CDC42BPA: variants seen among roughly 807,000 people sequenced by gnomAD.
The protein encoded by CDC42BPA is CDC42 binding protein kinase alpha, also known as serine/threonine-protein kinase MRCK alpha.
A neutral mutation model predicts 223.5 loss-of-function variants in CDC42BPA; 80 were observed. The observed-to-expected ratio is 0.36, with a 90% CI of 0.30 to 0.43. The LOEUF is 0.43. CDC42BPA is among the 20% of genes least tolerant of loss of function. The pLI, the probability that CDC42BPA is intolerant of heterozygous loss-of-function variation, is 1.00. For synonymous variants in CDC42BPA, 694 were observed against 718.6 expected, an observed-to-expected ratio of 0.97 and a Z score of 0.55; for missense variants, 1,743 against 2,099.9, an observed-to-expected ratio of 0.83 and a Z score of 3.32.
rs377374400 is a variant in CDC42BPA, at chr1:227,015,491, G to C, written c.4857+589C>G. Among the ~76,000 whole-genome samples the C allele has an allele frequency of 2.5e-3, 374 of 152,248 alleles. 5 individuals carry two copies. Among genetic ancestry groups the C allele is most frequent in the African/African-American group, 8.1e-3 (338 of 41,544 alleles). On this transcript the variant is annotated intron_variant, in intron 34 of 36. Coordinates refer to ENST00000366766, the MANE Select transcript of CDC42BPA (RefSeq NM_001394014.1). ...GGCTGGTCTTGAACTCCTGGCCTCA[G>C]CAATCCTCATGCCTTGGCCTCACAA...
At chr1:227,231,216 A>G (rs892569938) in intron 2 of CDC42BPA, among the ~76,000 whole-genome samples, 2 of 132,856 alleles carry the variant, frequency 1.5e-5, no homozygotes, top group Non-Finnish European at 3.1e-5. Context: ...ATTCCCACCT[A>G]TGAGTGAGAA....
At chr1:227,188,062 T>C (rs1234718679) in intron 5 of CDC42BPA, among the ~76,000 whole-genome samples, 1 of 152,036 alleles carries the variant, frequency 6.6e-6, no homozygotes, top group Non-Finnish European at 1.5e-5. Context: ...CAGAACTATG[T>C]AAAGAGAGGA....
intron 21 of CDC42BPA, among the ~76,000 whole-genome samples, chr1:227,057,309 C>A (rs1348144724): frequency 6.6e-6 from 1 of 151,968 alleles, no homozygotes; most frequent in African/African-American, 2.4e-5. Context: ...ATACTAGAAA[C>A]AAGAATGCAA....
At chr1:227,304,316 G>A (rs1692183118) in intron 1 of CDC42BPA, among the ~76,000 whole-genome samples, 1 of 151,698 alleles carries the variant, frequency 6.6e-6, no homozygotes, top group Non-Finnish European at 1.5e-5. Flanking sequence ...TGAGGCAGAA[G>A]AATTGCTTAA....
intron 3 of CDC42BPA, among the ~76,000 whole-genome samples, chr1:227,211,356 G>T (rs951589762): frequency 6.6e-6 from 1 of 151,874 alleles, no homozygotes; most frequent in Admixed American, 6.6e-5. Flanking sequence ...ACAGTACGTC[G>T]ATTTCTCAGA....
At position 227,015,347 on chromosome 1, in the gene CDC42BPA, T is replaced by A. The variant is rs368828169; in HGVS notation, c.4857+733A>T. Among the ~76,000 whole-genome samples, 11 of 151,960 alleles carry A rather than the reference T, an allele frequency of 7.2e-5. No individual in the cohort carries two copies. The East Asian group carries it at 1.9e-3, about 27-fold the overall frequency. ...CTGAAGCAGGAGAATCACTTGAACC[T>A]GGGAGGCAAAGGTTGCAGTGAGCCG... On this transcript the variant is annotated intron_variant, in intron 34 of 36. Transcript: ENST00000366766.
In CDC42BPA at chr1:227,201,125, T is replaced by C. The variant is rs76894386; in HGVS notation, c.355-1473A>G. Among the ~76,000 whole-genome samples, 414 of 90,572 alleles carry C rather than the reference T, an allele frequency of 4.6e-3. 12 individuals are homozygous for C. In the East Asian group the frequency reaches 0.072, roughly 16 times the overall value. The allele number at this position is 90,572 out of a possible 152,430, so 59.4% of individuals were successfully genotyped here. A position where few individuals can be genotyped will look rare whatever the true frequency, so the allele number is the denominator to read the frequency against. ...TATCCCGAAGAACCTTAGAAATATA[T>C]GAACAAAAATAAAAAAATAATTGTT... is the stretch of plus-strand genomic sequence containing the variant. On this transcript the variant is annotated intron_variant, in intron 3 of 36. Coordinates refer to ENST00000366766, the MANE Select transcript of CDC42BPA (RefSeq NM_001394014.1).
chr1:227,121,855 C>T (rs572561), intron 11 of CDC42BPA, among the ~76,000 whole-genome samples: 19,058 of 146,408 alleles, frequency 0.13, 1,298 homozygotes, highest in East Asian at 0.26. Context: ...GGCTGGAGAG[C>T]TATGGTGTGA....
chr1:227,099,683 TA>T (rs1684646605), intron 15 of CDC42BPA, among the ~76,000 whole-genome samples: 1 of 152,068 alleles, frequency 6.6e-6, no homozygotes, highest in Non-Finnish European at 1.5e-5. Context: ...CACTATTTTG[TA>T]AAAAACTTAT....
At chr1:227,099,584 A>G (rs903308621) in intron 15 of CDC42BPA, among the ~76,000 whole-genome samples, 1 of 152,174 alleles carries the variant, frequency 6.6e-6, no homozygotes, top group Non-Finnish European at 1.5e-5. Flanking sequence ...ATGACTTACA[A>G]GGCTTTACAT....
chr1:227,124,264 A>T (rs1689151376), intron 11 of CDC42BPA, among the ~76,000 whole-genome samples: 2 of 152,140 alleles, frequency 1.3e-5, no homozygotes, highest in Non-Finnish European at 2.9e-5. Flanking sequence ...GAAACTTAAA[A>T]ATATTGGAGA....
intron 5 of CDC42BPA, among the ~76,000 whole-genome samples, chr1:227,167,697 T>C (rs73086792): frequency 1.2e-3 from 183 of 152,252 alleles, no homozygotes; most frequent in Middle Eastern, 6.8e-3. Flanking sequence ...AAATCTCTGA[T>C]GAGTTCAAGA....
intron 9 of CDC42BPA, among the ~76,000 whole-genome samples, chr1:227,141,598 G>A (rs1659681412): frequency 1.3e-5 from 2 of 152,268 alleles, no homozygotes; most frequent in East Asian, 3.9e-4. Context: ...AATCCTTTCA[G>A]TGAAAGGAGA....
chr1:227,256,952 C>G (rs1290378680), intron 1 of CDC42BPA, among the ~76,000 whole-genome samples: 5 of 92,762 alleles, frequency 5.4e-5, no homozygotes, highest in Non-Finnish European at 1.1e-4. Flanking sequence ...TATACAGACA[C>G]ACACACACAC....
At chr1:227,092,616 T>C (rs1410138916) in intron 15 of CDC42BPA, among the ~76,000 whole-genome samples, 5 of 152,226 alleles carry the variant, frequency 3.3e-5, no homozygotes, top group Non-Finnish European at 4.4e-5. Flanking sequence ...CAGAGCCACT[T>C]CCTAGTGTTA....
intron 10 of CDC42BPA, among the ~76,000 whole-genome samples, chr1:227,133,736 GTGC>G (rs1274678852): frequency 6.6e-6 from 1 of 152,002 alleles, no homozygotes; most frequent in African/African-American, 2.4e-5. Flanking sequence ...GGTGCAAGAT[GTGC>G]TTTGTTAAAC....
rs140446764 is a variant in CDC42BPA, at chr1:227,253,277, C to T, written c.270+787G>A. Among the ~76,000 whole-genome samples the T allele has an allele frequency of 7.1e-5, 8 of 113,070 alleles. No homozygotes were observed. In the East Asian group the frequency reaches 1.7e-3, roughly 25 times the overall value. 74.2% of individuals were successfully genotyped at this position (113,070 alleles called of 152,430 possible). ...GAGAGAGCGAGAGAGAGCGCGCGCG[C>T]GTGCGCGTGCATGTGTATCTTTACA... On this transcript the variant is annotated intron_variant, in intron 2 of 36. Coordinates refer to ENST00000366766, the MANE Select transcript of CDC42BPA (RefSeq NM_001394014.1).
At chr1:227,101,430 T>C (rs1333108257) in intron 14 of CDC42BPA, among the ~76,000 whole-genome samples, 191 bp from the exon 15 acceptor site, 1 of 152,184 alleles carries the variant, frequency 6.6e-6, no homozygotes, top group African/African-American at 2.4e-5. Context: ...CAGTTTACAT[T>C]CCTTAATAGT....
At chr1:227,019,783 G>C (rs541326149) in intron 32 of CDC42BPA, among the ~76,000 whole-genome samples, 1 of 152,312 alleles carries the variant, frequency 6.6e-6, no homozygotes, top group African/African-American at 2.4e-5. Context: ...ACTTTTCTGA[G>C]CAGTAGATCT....
Sources: allele counts gnomAD v4.1 joint callset (sites outside exome capture counted in the v4.1 genomes callset), GRCh38; gene constraint gnomAD v4.1.1; transcripts MANE v1.5; gene names NCBI Gene and HGNC (gene_info 2026-07-23, HGNC 2026-07-21).